PTPRD: variants seen among roughly 807,000 people sequenced by gnomAD.
The protein encoded by PTPRD is protein tyrosine phosphatase receptor type D.
PTPRD carries 34 observed loss-of-function variants against 214.5 expected under a neutral mutation model. That is an observed-to-expected ratio of 0.16 (90% CI 0.12 to 0.21). The LOEUF is 0.21. PTPRD is among the 10% of genes least tolerant of loss of function. The pLI is 1.00. For synonymous variants in PTPRD, 1,128 were observed against 845.7 expected (o/e 1.33, Z -5.79); for missense variants, 2,545 against 2,398.7 (o/e 1.06, Z -1.27).
At chr9:10,191,946 G>T (rs1352469897) in intron 3 of PTPRD, among the ~76,000 whole-genome samples, 1 of 152,150 alleles carries the variant, frequency 6.6e-6, no homozygotes, top group Non-Finnish European at 1.5e-5. Flanking sequence ...CGGTGTGTCT[G>T]CAAAGCTGAT....
At chr9:10,466,924 G>C (rs977390314) in intron 2 of PTPRD, among the ~76,000 whole-genome samples, 1 of 152,176 alleles carries the variant, frequency 6.6e-6, no homozygotes, top group Admixed American at 6.5e-5. Flanking sequence ...GCAGGTGTGA[G>C]AGATGTAGAT....
chr9:9,466,638 C>T (rs1275719444), intron 8 of PTPRD, among the ~76,000 whole-genome samples: 2 of 152,138 alleles, frequency 1.3e-5, no homozygotes, highest in African/African-American at 2.4e-5. Flanking sequence ...TTTAGTAAGA[C>T]TTAGGGATAT....
chr9:9,797,531 G>A (rs1236382340), intron 5 of PTPRD, among the ~76,000 whole-genome samples: 4 of 151,998 alleles, frequency 2.6e-5, no homozygotes, highest in African/African-American at 9.7e-5. Flanking sequence ...AACTGATGAG[G>A]CTATACTTGA....
rs1555302234 is a variant in PTPRD at position 9,900,641 on chromosome 9, G to GTTTTTTTTTTGTTTTTT, written c.-368+37865_-368+37866insAAAAAACAAAAAAAAAA. Among the ~76,000 whole-genome samples the GTTTTTTTTTTGTTTTTT allele has an allele frequency of 2.3e-3, 278 of 120,086 alleles. 5 individuals carry two copies. The highest frequency in any genetic ancestry group is 8.4e-3 in the African/African-American group (271 of 32,076). The allele number at this position is 120,086 out of a possible 152,430, so 78.8% of individuals were successfully genotyped here. On this transcript the variant is annotated intron_variant, in intron 5 of 45. Transcript: ENST00000381196. ...TCCAAAGGTGCTTCCACATTTTCAG[G>GTTTTTTTTTTGTTTTTT]TTTTTTTTTTTTTTGAGATGGAGTC...
intron 3 of PTPRD, among the ~76,000 whole-genome samples, chr9:10,035,476 C>T (rs1467990242): frequency 6.6e-6 from 1 of 152,136 alleles, no homozygotes; most frequent in African/African-American, 2.4e-5. Flanking sequence ...GTTGCAATTG[C>T]TTTTGGCATC....
intron 3 of PTPRD, among the ~76,000 whole-genome samples, chr9:10,192,885 A>G (rs995528353): frequency 1.3e-5 from 2 of 152,168 alleles, no homozygotes; most frequent in African/African-American, 4.8e-5. Flanking sequence ...AAGAAGGATA[A>G]CAGCCTAAAG....
At chr9:8,448,627 A>T (rs11790547) in intron 34 of PTPRD, among the ~76,000 whole-genome samples, 4,264 of 152,264 alleles carry the variant, frequency 0.028, 133 homozygotes, top group Admixed American at 0.099. Context: ...AATTTTTTTT[A>T]AATACCGACA....
intron 8 of PTPRD, among the ~76,000 whole-genome samples, chr9:9,475,423 T>C (rs373612468): frequency 2.2e-4 from 34 of 152,308 alleles, no homozygotes; most frequent in African/African-American, 6.7e-4. Context: ...AACATTGCAT[T>C]AGCTGTGACA....
chr9:9,394,742 A>AT (rs1316247581), intron 9 of PTPRD, among the ~76,000 whole-genome samples: 24 of 152,224 alleles, frequency 1.6e-4, no homozygotes, highest in Middle Eastern at 3.4e-3. Flanking sequence ...GGGAATATGT[A>AT]GCATATTGAA....
At chr9:8,754,099 C>T (rs761680695) in intron 11 of PTPRD, among the ~76,000 whole-genome samples, 2 of 151,992 alleles carry the variant, frequency 1.3e-5, no homozygotes, top group Admixed American at 6.6e-5. Flanking sequence ...GAGCTGAGAT[C>T]GCACCACTGC....
intron 7 of PTPRD, among the ~76,000 whole-genome samples, chr9:9,588,891 C>A (rs2092401135): frequency 6.6e-6 from 1 of 151,874 alleles, no homozygotes; most frequent in Admixed American, 6.6e-5. Flanking sequence ...TGGGTTCAAA[C>A]TCTTTGTATC....
chr9:8,665,629 C>CACTT (rs1359395218), intron 12 of PTPRD, among the ~76,000 whole-genome samples: 2 of 152,266 alleles, frequency 1.3e-5, no homozygotes, highest in South Asian at 4.1e-4. Flanking sequence ...TACCTGTATA[C>CACTT]ACTTACTGCC....
intron 12 of PTPRD, among the ~76,000 whole-genome samples, chr9:8,725,936 A>G (rs894173731): frequency 6.6e-6 from 1 of 151,976 alleles, no homozygotes; most frequent in Non-Finnish European, 1.5e-5. Context: ...AAGATAGATT[A>G]CAGGCTGGTG....
At chr9:9,910,013 T>C (rs1327139725) in intron 5 of PTPRD, among the ~76,000 whole-genome samples, 3 of 152,006 alleles carry the variant, frequency 2.0e-5, no homozygotes, top group Admixed American at 6.6e-5. Flanking sequence ...TACTATTTTA[T>C]GGTAAATATA....
At chr9:9,038,896 A>G (rs957837052) in intron 10 of PTPRD, among the ~76,000 whole-genome samples, 1 of 151,966 alleles carries the variant, frequency 6.6e-6, no homozygotes, top group Non-Finnish European at 1.5e-5. Flanking sequence ...TTTCCCTCCC[A>G]GGAAGGTTTT....
At chr9:9,808,199 G>A (rs2046032771) in intron 5 of PTPRD, among the ~76,000 whole-genome samples, 1 of 152,046 alleles carries the variant, frequency 6.6e-6, no homozygotes, top group Non-Finnish European at 1.5e-5. Flanking sequence ...AGGTTATTGG[G>A]GCACAGAGAA....
intron 5 of PTPRD, among the ~76,000 whole-genome samples, chr9:9,788,474 C>A (rs2098942565): frequency 2.0e-5 from 3 of 150,852 alleles, no homozygotes; most frequent in South Asian, 2.1e-4. Context: ...ATGGCATGAA[C>A]CCGGGAGGCA....
chr9:9,941,846 G>A (rs1048245696), intron 4 of PTPRD, among the ~76,000 whole-genome samples: 1 of 152,104 alleles, frequency 6.6e-6, no homozygotes, highest in Non-Finnish European at 1.5e-5. Flanking sequence ...GTTGCCAAAA[G>A]CACTACAATT....
chr9:8,730,521 G>C (rs994029272), intron 12 of PTPRD, among the ~76,000 whole-genome samples: 4 of 152,216 alleles, frequency 2.6e-5, no homozygotes, highest in Non-Finnish European at 4.4e-5. Flanking sequence ...CTCAGGTCTA[G>C]AATGTAACAG....
Sources: allele counts gnomAD v4.1 joint callset (sites outside exome capture counted in the v4.1 genomes callset), GRCh38; gene constraint gnomAD v4.1.1; transcripts MANE v1.5; gene names NCBI Gene and HGNC (gene_info 2026-07-23, HGNC 2026-07-21).